SYBU: variants seen among roughly 807,000 people sequenced by gnomAD.
The protein encoded by SYBU is GOLSYN A protein.
A neutral mutation model predicts 35.9 loss-of-function variants in SYBU; 21 were observed. The observed-to-expected ratio is 0.58, with a 90% CI of 0.41 to 0.84. SYBU has a LOEUF of 0.84. SYBU is among the 40% of genes least tolerant of loss of function. The probability of loss-of-function intolerance (pLI) is 0.00; values close to 1 mark genes in which losing one functional copy is unlikely to be tolerated. For missense variants in SYBU, 768 were observed against 848.2 expected (o/e 0.91, Z 1.17); for synonymous variants, 319 against 324.3 (o/e 0.98, Z 0.18).
intron 2 of SYBU, among the ~76,000 whole-genome samples, chr8:109,622,703 T>C (rs1812565651): frequency 6.6e-6 from 1 of 152,234 alleles, no homozygotes; most frequent in Non-Finnish European, 1.5e-5. Context: ...TTTCTTCTGC[T>C]ACCTGACTGC....
chr8:109,642,765 G>A lies in SYBU; in HGVS notation c.192C>T (p.Arg64=). ...SREFNPSSSG[R]SARTVSSNSF... Reference sequence around the variant, plus strand: ...TGTTGCTGCTAACGGTCCTCGCTGAGCGCCCAGAGCTGCTGGGGTTGAACT... The same window carrying A: ...TGTTGCTGCTAACGGTCCTCGCTGAACGCCCAGAGCTGCTGGGGTTGAACT... Residue 64 remains arginine (R), a synonymous_variant, in exon 2 of 7, where the codon CGC becomes CGT. Coordinates refer to ENST00000276646, the MANE Select transcript of SYBU (RefSeq NM_001099754.2). 6.2e-7 allele frequency: 1 copy of A among 1,611,194 alleles called. No individual in the cohort carries two copies. Among genetic ancestry groups the A allele is most frequent in the Non-Finnish European group, 8.5e-7 (1 of 1,178,850 alleles).
upstream of SYBU, chr8:109,645,406 C>T (rs1489942858): frequency 6.7e-6 from 3 of 445,552 alleles, no homozygotes; most frequent in Non-Finnish European, 1.4e-5. Flanking sequence ...CAGTGGTCAG[C>T]GCAGCTCCCT....
intron 1 of SYBU, among the ~76,000 whole-genome samples, chr8:109,657,842 ACTCAT>A (rs1347705174): frequency 2.0e-5 from 3 of 152,196 alleles, no homozygotes; most frequent in Admixed American, 6.5e-5. Flanking sequence ...TTCTAAGGGT[ACTCAT>A]TTGTTGGCCA....
At chr8:109,594,101 G>C (rs980062080) in intron 3 of SYBU, among the ~76,000 whole-genome samples, 2 of 152,210 alleles carry the variant, frequency 1.3e-5, no homozygotes, top group Non-Finnish European at 2.9e-5. Context: ...ACCAAAATGA[G>C]ATGCCTGCCC....
intron 2 of SYBU, among the ~76,000 whole-genome samples, chr8:109,637,081 C>A (rs1412713215): frequency 6.6e-6 from 1 of 152,176 alleles, no homozygotes; most frequent in African/African-American, 2.4e-5. Context: ...ACACAGACCA[C>A]AAAGAAGTGA....
At chr8:109,690,089 C>T (rs1177938372) in intron 1 of SYBU, among the ~76,000 whole-genome samples, 1 of 152,008 alleles carries the variant, frequency 6.6e-6, no homozygotes, top group East Asian at 1.9e-4. Flanking sequence ...TAAATATGTA[C>T]AGATCATTAT....
At chr8:109,609,355 A>G (rs780260837) in intron 3 of SYBU, among the ~76,000 whole-genome samples, 4 of 152,190 alleles carry the variant, frequency 2.6e-5, no homozygotes, top group Admixed American at 2.6e-4. Flanking sequence ...AAATTCACAA[A>G]CAGATTTTGT....
chr8:109,631,047 G>A (rs1014392416), intron 2 of SYBU, among the ~76,000 whole-genome samples: 6 of 152,184 alleles, frequency 3.9e-5, no homozygotes, highest in African/African-American at 1.4e-4. Context: ...GGCAGACAAG[G>A]GGAATATTAG....
At chr8:109,642,044 G>T (rs749319202) in intron 2 of SYBU, among the ~76,000 whole-genome samples, 1 of 152,150 alleles carries the variant, frequency 6.6e-6, no homozygotes, top group Non-Finnish European at 1.5e-5. Context: ...GCAAAGACTT[G>T]GAACCAACCC....
intron 1 of SYBU, among the ~76,000 whole-genome samples, chr8:109,667,509 A>AG (rs1270522305): frequency 1.2e-5 from 1 of 85,304 alleles, no homozygotes; most frequent in Non-Finnish European, 2.4e-5. Context: ...GTAGTGCCAC[A>AG]AAAAAAAAAA....
chr8:109,642,272 A>C (rs1814975514), intron 2 of SYBU, among the ~76,000 whole-genome samples: 1 of 151,434 alleles, frequency 6.6e-6, no homozygotes, highest in African/African-American at 2.5e-5. Flanking sequence ...CAGGGAGGGG[A>C]ACATCACATA....
intron 2 of SYBU, among the ~76,000 whole-genome samples, chr8:109,639,939 AG>A (rs1275153270): frequency 1.3e-5 from 2 of 152,202 alleles, no homozygotes; most frequent in Non-Finnish European, 2.9e-5. Context: ...TAGCCTACAC[AG>A]CACTCAAAAG....
intron 1 of SYBU, among the ~76,000 whole-genome samples, chr8:109,672,265 G>A (rs1004708484): frequency 3.9e-5 from 4 of 102,334 alleles, no homozygotes; most frequent in Middle Eastern, 5.4e-3. Flanking sequence ...GAACAGCTCC[G>A]GTCTGCAGCT....
At chr8:109,659,769 G>A (rs184822208) in intron 1 of SYBU, among the ~76,000 whole-genome samples, 1 of 151,844 alleles carries the variant, frequency 6.6e-6, no homozygotes, top group East Asian at 1.9e-4. Context: ...CTGTAAATAG[G>A]CACACTTTAA....
chr8:109,620,750 G>A (rs983882664), intron 2 of SYBU, among the ~76,000 whole-genome samples: 4 of 152,122 alleles, frequency 2.6e-5, no homozygotes, highest in Non-Finnish European at 5.9e-5. Context: ...AGGGTGATGA[G>A]AACCCTTCTT....
intron 2 of SYBU, among the ~76,000 whole-genome samples, chr8:109,619,522 C>T (rs913466864): frequency 2.0e-5 from 3 of 152,134 alleles, no homozygotes; most frequent in Admixed American, 6.5e-5. Context: ...CTACCATGCC[C>T]GGCCCCTTGT....
chr8:109,592,994 A>G (rs546800095), intron 3 of SYBU, among the ~76,000 whole-genome samples: 1 of 152,346 alleles, frequency 6.6e-6, no homozygotes, highest in African/African-American at 2.4e-5. Context: ...TACGAATCTT[A>G]AAATTATTAT....
upstream of SYBU, among the ~76,000 whole-genome samples, chr8:109,683,120 T>TTG (rs1489803395): frequency 1.3e-5 from 2 of 152,134 alleles, no homozygotes; most frequent in Admixed American, 6.5e-5. Flanking sequence ...AAGAGAAATG[T>TTG]GGGGTTGGGG....
At chr8:109,623,927 G>A (rs1253617083) in intron 2 of SYBU, among the ~76,000 whole-genome samples, 2 of 152,082 alleles carry the variant, frequency 1.3e-5, no homozygotes, top group Non-Finnish European at 1.5e-5. Context: ...AAAATATTTT[G>A]TGAATACAGT....
Sources: allele counts gnomAD v4.1 joint callset (sites outside exome capture counted in the v4.1 genomes callset), GRCh38; gene constraint gnomAD v4.1.1; transcripts MANE v1.5; gene names NCBI Gene and HGNC (gene_info 2026-07-23, HGNC 2026-07-21).